Variants in TRIM56 observed in about 807,000 individuals in gnomAD.
TRIM56 encodes the protein E3 ubiquitin-protein ligase TRIM56.
A neutral mutation model predicts 17.1 loss-of-function variants in TRIM56; 10 were observed. That is an observed-to-expected ratio of 0.58 (90% CI 0.36 to 0.99). TRIM56 has a LOEUF of 0.99. TRIM56 is among the 50% of genes least tolerant of loss of function. TRIM56 has a pLI of 0.01. For synonymous variants in TRIM56, 503 were observed against 473.5 expected, an observed-to-expected ratio of 1.06 and a Z score of -0.81; for missense variants, 923 against 1,052.3, an observed-to-expected ratio of 0.88 and a Z score of 1.70.
Position 101,088,736 on chromosome 7 carries a change from G to A in TRIM56, c.1424G>A (p.Ser475Asn). ...GRLKSISREP[S>N]PALGPNLDGS... Reference sequence around the variant, plus strand: ...CTCAAGTCAATTTCCCGGGAGCCCAGCCCAGCCCTGGGGCCGAATCTGGAC... The same window carrying A: ...CTCAAGTCAATTTCCCGGGAGCCCAACCCAGCCCTGGGGCCGAATCTGGAC... The change falls in exon 3 of 3, where the codon AGC (serine) becomes AAC (asparagine). Residue 475 changes from serine to asparagine, a missense_variant. Coordinates refer to ENST00000306085, the MANE Select transcript of TRIM56 (RefSeq NM_030961.3). 6.2e-7 allele frequency: 1 copy of A among 1,614,028 alleles called. No individual in the cohort carries two copies. Among genetic ancestry groups the A allele is most frequent in the Non-Finnish European group, 8.5e-7 (1 of 1,180,010 alleles).
rs1219395570 is a variant in TRIM56, at chr7:101,092,709, G to C, written c.*3129G>C. 1.4e-5 allele frequency: 2 copies of C among 146,396 alleles called. No individual in the cohort carries two copies. The highest frequency in any genetic ancestry group is 5.2e-5 in the African/African-American group (2 of 38,628). The allele number at this position is 146,396 out of a possible 1,614,324, so 9.1% of individuals were successfully genotyped here. A position where few individuals can be genotyped will look rare whatever the true frequency, so the allele number is the denominator to read the frequency against. Reference sequence around the variant, plus strand: ...CCGCCCGGCCAGCCGCCCCGCCCGGGAGCGAGGTGGGGGGCGCCTCCGCCC... The same window carrying C: ...CCGCCCGGCCAGCCGCCCCGCCCGGCAGCGAGGTGGGGGGCGCCTCCGCCC... On this transcript the variant is annotated 3_prime_UTR_variant, in exon 3 of 3. Transcript: ENST00000306085.
Position 101,088,726 on chromosome 7 carries a change from C to T in TRIM56, c.1414C>T (p.Arg472Trp), listed in dbSNP as rs372224629. Reference protein sequence around the residue: ...KFKGRLKSISREPSPALGPNL... With the variant: ...KFKGRLKSISWEPSPALGPNL... ...CAAAGGCAGGCTCAAGTCAATTTCC[C>T]GGGAGCCCAGCCCAGCCCTGGGGCC... The change falls in exon 3 of 3, where the codon CGG becomes TGG. Residue 472 changes from arginine (R) to tryptophan (W), a missense_variant. Transcript: ENST00000306085. The T allele has an allele frequency of 1.3e-4, 216 of 1,613,886 alleles. 1 individual carries two copies. The highest frequency in any genetic ancestry group is 4.9e-4 in the Middle Eastern group (3 of 6,084).
rs755052158 is a variant in TRIM56, at chr7:101,089,587, T to C, written c.*7T>C. On this transcript the variant is annotated 3_prime_UTR_variant, in exon 3 of 3. Transcript: ENST00000306085. The stretch of plus-strand genomic sequence containing the variant: ...CCGTTCTCCGGACAGTTAAAGGGGC[T>C]AGGACTAGGGTGAGAGGGAGTGGGG... The C allele has an allele frequency of 1.9e-6, 3 of 1,610,026 alleles. 1 individual carries two copies. In the South Asian group the frequency reaches 3.3e-5, roughly 18 times the overall value.
rs916128241 is a variant in TRIM56 at position 101,095,411 on chromosome 7, G to A, written c.*5831G>A. 6.6e-6 allele frequency: 1 copy of A among 152,278 alleles called. No individual in the cohort carries two copies. The highest frequency in any genetic ancestry group is 6.6e-5 in the Admixed American group (1 of 15,240). The allele number at this position is 152,278 out of a possible 1,614,324, so 9.4% of individuals were successfully genotyped here. A position where few individuals can be genotyped will look rare whatever the true frequency, so the allele number is the denominator to read the frequency against. ...TAAAAGAGGGAGAGATGAGATCGGG[G>A]TGTCCCGCTTCTGTGCATGTGGAGG... On this transcript the variant is annotated 3_prime_UTR_variant, in exon 3 of 3. Transcript: ENST00000306085.
In TRIM56 at chr7:101,090,042, G is replaced by A. The variant is rs1204449914; in HGVS notation, c.*462G>A. Reference sequence around the variant, plus strand: ...CCCCGGCCCCCCTTGGACTGGCACAGGGTCCTACAGAGTCAGAGGAGGCCT... The same window carrying A: ...CCCCGGCCCCCCTTGGACTGGCACAAGGTCCTACAGAGTCAGAGGAGGCCT... On this transcript the variant is annotated 3_prime_UTR_variant, in exon 3 of 3. Transcript: ENST00000306085. The A allele has an allele frequency of 5.9e-6, 1 of 169,508 alleles. No homozygotes were observed. The highest frequency in any genetic ancestry group is 1.9e-4 in the East Asian group (1 of 5,222). 10.5% of individuals were successfully genotyped at this position (169,508 alleles called of 1,614,324 possible).
rs1219395570 is a variant in TRIM56 at position 101,092,709 on chromosome 7, G to A, written c.*3129G>A. The A allele has an allele frequency of 6.8e-6, 1 of 146,396 alleles. No homozygotes were observed. Among genetic ancestry groups the A allele is most frequent in the Non-Finnish European group, 1.5e-5 (1 of 67,752 alleles). The allele number at this position is 146,396 out of a possible 1,614,324, so 9.1% of individuals were successfully genotyped here. A position where few individuals can be genotyped will look rare whatever the true frequency, so the allele number is the denominator to read the frequency against. Reference sequence around the variant, plus strand: ...CCGCCCGGCCAGCCGCCCCGCCCGGGAGCGAGGTGGGGGGCGCCTCCGCCC... The same window carrying A: ...CCGCCCGGCCAGCCGCCCCGCCCGGAAGCGAGGTGGGGGGCGCCTCCGCCC... On this transcript the variant is annotated 3_prime_UTR_variant, in exon 3 of 3. Transcript: ENST00000306085.
At position 101,093,632 on chromosome 7, in the gene TRIM56, C is replaced by T. The variant is rs1045999341; in HGVS notation, c.*4052C>T. The T allele has an allele frequency of 5.9e-5, 9 of 152,074 alleles. No homozygotes were observed. The highest frequency in any genetic ancestry group is 8.8e-5 in the Non-Finnish European group (6 of 68,008). The allele number at this position is 152,074 out of a possible 1,614,324, so 9.4% of individuals were successfully genotyped here. A position where few individuals can be genotyped will look rare whatever the true frequency, so the allele number is the denominator to read the frequency against. ...ATCACCTGAGGTCAGGAGTTTGAGA[C>T]CAGCCTGGCCACTACGGTGAAACCC... On this transcript the variant is annotated 3_prime_UTR_variant, in exon 3 of 3. Coordinates refer to ENST00000306085, the MANE Select transcript of TRIM56 (RefSeq NM_030961.3).
chr7:101,087,885 G>C lies in TRIM56; in HGVS notation c.573G>C (p.Glu191Asp), dbSNP rs1016309246. ...CCTGCTCACAGTTGCTGTGCAGAGA[G>C]TGCCGCCTAGACCCCCACCTGGACC... ...CQPCSQLLCR[E>D]CRLDPHLDHP... is the part of the protein sequence containing the mutation. Residue 191 changes from glutamate to aspartate, a missense_variant, in exon 3 of 3, where the codon GAG becomes GAC. Coordinates refer to ENST00000306085, the MANE Select transcript of TRIM56 (RefSeq NM_030961.3). 1 of 1,605,938 alleles carries C rather than the reference G, an allele frequency of 6.2e-7. No individual in the cohort carries two copies. The highest frequency in any genetic ancestry group is 8.5e-7 in the Non-Finnish European group (1 of 1,178,768).
Position 101,095,913 on chromosome 7 carries a change from A to G in TRIM56, c.*6333A>G, listed in dbSNP as rs1334811187. On this transcript the variant is annotated 3_prime_UTR_variant, in exon 3 of 3. Transcript: ENST00000306085. ...TCCCAGTTATATCGCAGATACAAAG[A>G]GACCAGGAACACGCTTGTAATCACA... is the stretch of plus-strand genomic sequence containing the variant. 2 of 152,152 alleles carry G rather than the reference A, an allele frequency of 1.3e-5. No homozygotes were observed. The highest frequency in any genetic ancestry group is 4.8e-5 in the African/African-American group (2 of 41,434). 9.4% of individuals were successfully genotyped at this position (152,152 alleles called of 1,614,324 possible). A position where few individuals can be genotyped will look rare whatever the true frequency, so the allele number is the denominator to read the frequency against.
At position 101,093,939 on chromosome 7, in the gene TRIM56, G is replaced by A. The variant is rs1447775968; in HGVS notation, c.*4359G>A. 1 of 152,248 alleles carries A rather than the reference G, an allele frequency of 6.6e-6. No homozygotes were observed. The highest frequency in any genetic ancestry group is 1.5e-5 in the Non-Finnish European group (1 of 68,048). The allele number at this position is 152,248 out of a possible 1,614,324, so 9.4% of individuals were successfully genotyped here. ...AATAGACTCCTGGCACTATAAAAAT[G>A]ATCCTGGAGAATAATTTGGCTAGAC... On this transcript the variant is annotated 3_prime_UTR_variant, in exon 3 of 3. Transcript: ENST00000306085.
chr7:101,087,181 G>T lies in TRIM56; in HGVS notation c.-2+13G>T, dbSNP rs1028438593. The T allele has an allele frequency of 2.0e-5, 17 of 842,334 alleles. No individual in the cohort carries two copies. Among genetic ancestry groups the T allele is most frequent in the Non-Finnish European group, 3.2e-5 (17 of 533,222 alleles). The allele number at this position is 842,334 out of a possible 1,614,324, so 52.2% of individuals were successfully genotyped here. On this transcript the variant is annotated intron_variant, in intron 2 of 2. Transcript: ENST00000306085. ...CCTGGCCATTCAGGTGAGACCTCAG[G>T]TTCCTTCCCGGCCATTTGGGTCAGC...
intron 1 of TRIM56, chr7:101,086,669 C>A: frequency 6.6e-6 from 1 of 152,270 alleles, no homozygotes; most frequent in Non-Finnish European, 1.5e-5. Context: ...GAACTACGAT[C>A]ACGCCACTGC....
Position 101,087,472 on chromosome 7 carries a change from G to A in TRIM56, c.160G>A (p.Val54Ile), listed in dbSNP as rs374149817. 1.5e-5 allele frequency: 24 copies of A among 1,613,260 alleles called. No homozygotes were observed. The highest frequency in any genetic ancestry group is 1.2e-4 in the African/African-American group (9 of 74,940). ...GGCACAGCTGGCGGATGGCGGCCGCGTCCGCTGCCCCGAGTGCCGCGAGAC... is the reference window on the plus strand; with the variant it reads ...GGCACAGCTGGCGGATGGCGGCCGCATCCGCTGCCCCGAGTGCCGCGAGAC... Reference protein sequence around the residue: ...CLAQLADGGRVRCPECRETVP... With the variant: ...CLAQLADGGRIRCPECRETVP... Residue 54 changes from valine to isoleucine, a missense_variant, in exon 3 of 3, where the codon GTC (valine) becomes ATC (isoleucine). Coordinates refer to ENST00000306085, the MANE Select transcript of TRIM56 (RefSeq NM_030961.3).
Position 101,087,119 on chromosome 7 carries a change from C to T in TRIM56, c.-51C>T, listed in dbSNP as rs1230639812. On this transcript the variant is annotated 5_prime_UTR_variant, in exon 2 of 3. Coordinates refer to ENST00000306085, the MANE Select transcript of TRIM56 (RefSeq NM_030961.3). ...GGAGGGCAGCTCCTTAGCTCAAGAG[C>T]AAGTGGCCCAAGGCCTCAGAAGACT... is the stretch of plus-strand genomic sequence containing the variant. 4.9e-6 allele frequency: 3 copies of T among 615,262 alleles called. No homozygotes were observed. The highest frequency in any genetic ancestry group is 8.6e-6 in the Non-Finnish European group (3 of 348,116). 38.1% of individuals were successfully genotyped at this position (615,262 alleles called of 1,614,324 possible). A position where few individuals can be genotyped will look rare whatever the true frequency, so the allele number is the denominator to read the frequency against.
Position 101,088,251 on chromosome 7 carries a change from C to A in TRIM56, c.939C>A (p.Leu313=). 1 of 1,484,870 alleles carries A rather than the reference C, an allele frequency of 6.7e-7. No homozygotes were observed. The highest frequency in any genetic ancestry group is 1.3e-5 in the South Asian group (1 of 74,364). The allele number at this position is 1,484,870 out of a possible 1,614,324, so 92.0% of individuals were successfully genotyped here. Residue 313 remains leucine, a synonymous_variant, in exon 3 of 3, where the codon CTC becomes CTA. Coordinates refer to ENST00000306085, the MANE Select transcript of TRIM56 (RefSeq NM_030961.3). ...CAGCCGCCTTCGCCCGCCGGGTACTCAGCCTGGGGCGAGAGGCCGAGATCC... is the reference window on the plus strand; with the variant it reads ...CAGCCGCCTTCGCCCGCCGGGTACTAAGCCTGGGGCGAGAGGCCGAGATCC... ...RAAAAFARRV[L]SLGREAEILS...
rs1162738043 is a variant in TRIM56 at position 101,094,601 on chromosome 7, TCAGCCAGGAGGCAGGGC to T, written c.*5024_*5040del. ...GAGGAGGATCCCACCCGGCCGGGGC[TCAGCCAGGAGGCAGGGC>T]CATTGGGGCAGGGTGGCAGTCCAAG... On this transcript the variant is annotated 3_prime_UTR_variant, in exon 3 of 3. Transcript: ENST00000306085. 1 of 152,186 alleles carries T rather than the reference TCAGCCAGGAGGCAGGGC, an allele frequency of 6.6e-6. No individual in the cohort carries two copies. Among genetic ancestry groups the T allele is most frequent in the Non-Finnish European group, 1.5e-5 (1 of 68,058 alleles). 9.4% of individuals were successfully genotyped at this position (152,186 alleles called of 1,614,324 possible).
chr7:101,097,144 G>A lies in TRIM56; in HGVS notation c.*7564G>A, dbSNP rs548924533. 6.6e-6 allele frequency: 1 copy of A among 152,238 alleles called. No individual in the cohort carries two copies. Among genetic ancestry groups the A allele is most frequent in the Non-Finnish European group, 1.5e-5 (1 of 68,056 alleles). 9.4% of individuals were successfully genotyped at this position (152,238 alleles called of 1,614,324 possible). On this transcript the variant is annotated 3_prime_UTR_variant, in exon 3 of 3. Coordinates refer to ENST00000306085, the MANE Select transcript of TRIM56 (RefSeq NM_030961.3). ...TAAGGGGCGAAAGTCCAAGGCAGAA[G>A]TCAAAAGTTTTGCAAGGAAACCGAT...
At position 101,088,470 on chromosome 7, in the gene TRIM56, C is replaced by T. The variant is rs771631027; in HGVS notation, c.1158C>T (p.Thr386=). The change falls in exon 3 of 3, where the codon ACC becomes ACT. Residue 386 remains threonine, a synonymous_variant. Coordinates refer to ENST00000306085, the MANE Select transcript of TRIM56 (RefSeq NM_030961.3). ...QKDGGKDGAG[T]QGGEESQSRR... is the part of the protein sequence containing the mutation. ...ATGGTGGGAAAGACGGAGCTGGTAC[C>T]CAGGGAGGTGAGGAGAGCCAGAGCC... The T allele has an allele frequency of 1.2e-6, 2 of 1,613,748 alleles. No individual in the cohort carries two copies. Among genetic ancestry groups the T allele is most frequent in the African/African-American group, 1.3e-5 (1 of 74,998 alleles).
In TRIM56 at chr7:101,093,464, T is replaced by C. The variant is rs1208854456; in HGVS notation, c.*3884T>C. On this transcript the variant is annotated 3_prime_UTR_variant, in exon 3 of 3. Coordinates refer to ENST00000306085, the MANE Select transcript of TRIM56 (RefSeq NM_030961.3). Reference sequence around the variant, plus strand: ...AACAGTATTTGGTCAAAGAACCACATAAGCTCTGTACCCTGGAGGAAATGT... The same window carrying C: ...AACAGTATTTGGTCAAAGAACCACACAAGCTCTGTACCCTGGAGGAAATGT... The C allele has an allele frequency of 6.7e-6, 1 of 148,992 alleles. No homozygotes were observed. The highest frequency in any genetic ancestry group is 1.5e-5 in the Non-Finnish European group (1 of 67,560). The allele number at this position is 148,992 out of a possible 1,614,324, so 9.2% of individuals were successfully genotyped here.
Sources: allele counts gnomAD v4.1 joint callset, GRCh38; gene constraint gnomAD v4.1.1; transcripts MANE v1.5; gene names NCBI Gene and HGNC (gene_info 2026-07-23, HGNC 2026-07-21).